Variants in DGCR2 observed in about 807,000 individuals in gnomAD.
DGCR2 encodes the protein integral membrane protein DGCR2/IDD.
In DGCR2, 24 loss-of-function variants were observed where a neutral mutation model predicts 51.6. The observed-to-expected ratio is 0.47, with a 90% CI of 0.34 to 0.65. DGCR2 has a LOEUF of 0.65. Among genes scored for constraint, DGCR2 ranks in the 30% least tolerant of loss-of-function variants. The probability of loss-of-function intolerance (pLI) is 0.01; values close to 1 mark genes in which losing one functional copy is unlikely to be tolerated. For synonymous variants in DGCR2, 340 were observed against 315.4 expected (o/e 1.08, Z -0.82); for missense variants, 765 against 772.1 (o/e 0.99, Z 0.11).
intron 2 of DGCR2, among the ~76,000 whole-genome samples, chr22:19,068,743 C>T (rs2082779887): frequency 6.6e-6 from 1 of 152,250 alleles, no homozygotes; most frequent in South Asian, 2.1e-4. Flanking sequence ...GTGAAGGCCT[C>T]CAGGCCAGGA....
chr22:19,087,233 G>C (rs1035634411), intron 2 of DGCR2, among the ~76,000 whole-genome samples: 1 of 152,122 alleles, frequency 6.6e-6, no homozygotes, highest in African/African-American at 2.4e-5. Flanking sequence ...AGACCCACCA[G>C]AGAGGCTCCC....
chr22:19,050,854 G>A (rs746200013), intron 6 of DGCR2, among the ~76,000 whole-genome samples: 1 of 152,106 alleles, frequency 6.6e-6, no homozygotes, highest in Non-Finnish European at 1.5e-5. Context: ...AGAAATGTAA[G>A]GCTAGGCAAA....
chr22:19,086,354 C>T (rs1339178444), intron 2 of DGCR2, among the ~76,000 whole-genome samples: 1 of 152,072 alleles, frequency 6.6e-6, no homozygotes, highest in Non-Finnish European at 1.5e-5. Context: ...TAGCAGGCGC[C>T]TGTAATCCCA....
At chr22:19,065,097 A>T in intron 3 of DGCR2, 30 bp from the exon 4 acceptor site, 1 of 1,599,558 alleles carries the variant, frequency 6.3e-7, no homozygotes, top group Non-Finnish European at 8.6e-7. Flanking sequence ...TTGTCCCCCA[A>T]GTTAGGATCC....
Position 19,092,944 on chromosome 22 carries a change from T to C in DGCR2, c.80-3454A>G, listed in dbSNP as rs376506005. 2.0e-5 allele frequency among the ~76,000 whole-genome samples: 3 copies of C among 149,400 alleles called. No homozygotes were observed. In the South Asian group the frequency reaches 6.3e-4, roughly 32 times the overall value. Reference sequence around the variant, plus strand: ...AAGGAAGAAGGAAGGAAGGAGTTCATCTACAAAATGAAGTTAAAAAAAGGA... The same window carrying C: ...AAGGAAGAAGGAAGGAAGGAGTTCACCTACAAAATGAAGTTAAAAAAAGGA... On this transcript the variant is annotated intron_variant, in intron 1 of 9. Transcript: ENST00000263196.
chr22:19,099,819 A>G (rs750338786), intron 1 of DGCR2, among the ~76,000 whole-genome samples: 11 of 151,746 alleles, frequency 7.2e-5, no homozygotes, highest in Non-Finnish European at 1.5e-4. Flanking sequence ...AAATACAAAA[A>G]AATTAGCTGG....
intron 6 of DGCR2, among the ~76,000 whole-genome samples, chr22:19,049,312 G>A (rs932677024): frequency 3.3e-5 from 5 of 152,134 alleles, no homozygotes; most frequent in Non-Finnish European, 5.9e-5. Flanking sequence ...ATGAGAGTAA[G>A]AGGAATGGCC....
intron 1 of DGCR2, among the ~76,000 whole-genome samples, chr22:19,115,967 G>A (rs2083369066): frequency 6.6e-6 from 1 of 152,234 alleles, no homozygotes; most frequent in South Asian, 2.1e-4. Context: ...CTGATGAAGA[G>A]TTTGCTTTAT....
At chr22:19,072,111 A>C (rs2082822193) in intron 2 of DGCR2, among the ~76,000 whole-genome samples, 1 of 152,150 alleles carries the variant, frequency 6.6e-6, no homozygotes, top group Non-Finnish European at 1.5e-5. Flanking sequence ...ACAAATCAAG[A>C]GTTAACTGGT....
chr22:19,041,738 C>A, intron 8 of DGCR2, 69 bp downstream of exon 8: 1 of 1,538,264 alleles, frequency 6.5e-7, no homozygotes, highest in Non-Finnish European at 8.8e-7. Context: ...GGCTGGGGAG[C>A]TCATGGAGAC....
chr22:19,073,126 T>G (rs776634271), intron 2 of DGCR2, among the ~76,000 whole-genome samples: 3 of 152,090 alleles, frequency 2.0e-5, no homozygotes, highest in African/African-American at 4.8e-5. Context: ...TAGCTGGGCA[T>G]AGTGGCATAT....
At chr22:19,039,616 C>T (rs9618452) in intron 9 of DGCR2, among the ~76,000 whole-genome samples, 20,037 of 152,182 alleles carry the variant, frequency 0.13, 2,165 homozygotes, top group African/African-American at 0.3. Flanking sequence ...CTGCAGTGAG[C>T]GGCCTGGAAA....
intron 2 of DGCR2, among the ~76,000 whole-genome samples, chr22:19,076,024 T>C (rs1440459322): frequency 6.6e-6 from 1 of 152,242 alleles, no homozygotes; most frequent in Admixed American, 6.5e-5. Context: ...AGTGGCATGA[T>C]CTCAGCTCAC....
At chr22:19,053,664 G>C (rs148431864) in intron 6 of DGCR2, among the ~76,000 whole-genome samples, 2 of 152,286 alleles carry the variant, frequency 1.3e-5, no homozygotes, top group East Asian at 3.9e-4. Flanking sequence ...GAGTTCCAAT[G>C]AAAAGCCTAG....
intron 7 of DGCR2, chr22:19,046,753 C>T (rs1261580164): frequency 6.7e-6 from 3 of 446,652 alleles, no homozygotes; most frequent in African/African-American, 4.0e-5. Context: ...AGCTAAGTCG[C>T]TCTGGCCGTG....
At chr22:19,084,039 C>T (rs574184702) in intron 2 of DGCR2, among the ~76,000 whole-genome samples, 2,495 of 152,088 alleles carry the variant, frequency 0.016, 75 homozygotes, top group African/African-American at 0.057. Context: ...TTGCCCAGGC[C>T]GAAGTGCAGT....
At position 19,057,927 on chromosome 22, in the gene DGCR2, C is replaced by T. The variant is rs113751196; in HGVS notation, c.626-765G>A. 2.6e-5 allele frequency among the ~76,000 whole-genome samples: 4 copies of T among 152,170 alleles called. No individual in the cohort carries two copies. Among genetic ancestry groups the T allele is most frequent in the Non-Finnish European group, 4.4e-5 (3 of 68,018 alleles). Reference sequence around the variant, plus strand: ...CCTAGGCCCCACTCTCTCCCCTGCACGGCCCTTCCAGTCTGGGCTGCCAAG... The same window carrying T: ...CCTAGGCCCCACTCTCTCCCCTGCATGGCCCTTCCAGTCTGGGCTGCCAAG... On this transcript the variant is annotated intron_variant, in intron 5 of 9. Coordinates refer to ENST00000263196, the MANE Select transcript of DGCR2 (RefSeq NM_005137.3). This position sits in a 1 kb window ranked among gnomAD's most constrained non-coding sequence, Gnocchi z 5.1.
intron 5 of DGCR2, chr22:19,060,815 TG>T: frequency 4.0e-6 from 2 of 500,808 alleles, no homozygotes; most frequent in Non-Finnish European, 7.9e-6. Context: ...GGTGTGGGCC[TG>T]GGGGAGCGCC....
At chr22:19,122,002 G>C in intron 1 of DGCR2, 126 bp downstream of exon 1, 1 of 544,774 alleles carries the variant, frequency 1.8e-6, no homozygotes, top group Non-Finnish European at 2.6e-6. Context: ...CCGCGAGCCA[G>C]GCCCCGCCCG....
Sources: allele counts gnomAD v4.1 joint callset (sites outside exome capture counted in the v4.1 genomes callset), GRCh38; gene constraint gnomAD v4.1.1; non-coding constraint Gnocchi (gnomAD v3.1); transcripts MANE v1.5; gene names NCBI Gene and HGNC (gene_info 2026-07-23, HGNC 2026-07-21).